Variants in SAMD7 observed in about 807,000 individuals in gnomAD.
SAMD7 encodes the protein sterile alpha motif domain-containing protein 7.
Under a neutral mutation model 36.7 loss-of-function variants are expected in SAMD7, and 34 were observed. That is an observed-to-expected ratio of 0.93 (90% CI 0.71 to 1.23). The LOEUF is 1.23. Among genes scored for constraint, SAMD7 ranks in the 50% most tolerant of loss-of-function variants. SAMD7 has a pLI of 0.00. For synonymous variants in SAMD7, 188 were observed against 189.7 expected, an observed-to-expected ratio of 0.99 and a Z score of 0.07; for missense variants, 570 against 546.6, an observed-to-expected ratio of 1.04 and a Z score of -0.43.
At chr3:169,924,643 T>A (rs1160320894) in intron 4 of SAMD7, among the ~76,000 whole-genome samples, 1 of 152,148 alleles carries the variant, frequency 6.6e-6, no homozygotes, top group African/African-American at 2.4e-5. Context: ...ATATGTGAGG[T>A]GAGGCATATG....
intron 5 of SAMD7, chr3:169,926,192 C>T (rs772841907): frequency 2.1e-6 from 2 of 955,262 alleles, no homozygotes; most frequent in South Asian, 1.4e-5. Flanking sequence ...TTTCTTGAAT[C>T]TCACTAAGAT....
chr3:169,932,980 T>A (rs1576837993), intron 7 of SAMD7: 1 of 713,550 alleles, frequency 1.4e-6, no homozygotes, highest in South Asian at 1.4e-5. Flanking sequence ...GAAGCATTCT[T>A]TCCCCCCCTC....
At chr3:169,913,594 T>C (rs1297772704) in intron 1 of SAMD7, among the ~76,000 whole-genome samples, 1 of 152,194 alleles carries the variant, frequency 6.6e-6, no homozygotes. Flanking sequence ...GGATTAGAGC[T>C]CTGGGTCAGA....
intron 8 of SAMD7, 110 bp downstream of exon 8, chr3:169,936,559 G>T (rs1439455898): frequency 7.5e-6 from 5 of 663,668 alleles, no homozygotes; most frequent in Non-Finnish European, 1.3e-5. Context: ...CTTCTTTATT[G>T]CTTTCCCTCT....
intron 7 of SAMD7, chr3:169,932,226 C>G (rs1713525617): frequency 2.4e-6 from 2 of 843,012 alleles, no homozygotes; most frequent in South Asian, 2.7e-5. Flanking sequence ...GGGTGGTTCC[C>G]CAGGAAGTGT....
intron 1 of SAMD7, among the ~76,000 whole-genome samples, chr3:169,912,512 C>T (rs938175838): frequency 6.6e-6 from 1 of 152,176 alleles, no homozygotes; most frequent in Non-Finnish European, 1.5e-5. Flanking sequence ...TTTATACAAA[C>T]TGTAGTTGCA....
chr3:169,930,211 T>G (rs1713431521), intron 7 of SAMD7, among the ~76,000 whole-genome samples: 1 of 152,204 alleles, frequency 6.6e-6, no homozygotes, highest in Non-Finnish European at 1.5e-5. Context: ...ACATGAGTAC[T>G]CCAAACTCTG....
At chr3:169,928,313 A>G in intron 6 of SAMD7, 144 bp from the exon 7 acceptor site, 1 of 598,624 alleles carries the variant, frequency 1.7e-6, no homozygotes, top group Admixed American at 3.0e-5. Flanking sequence ...TGAAGCTTTT[A>G]GAAAACATCT....
intron 7 of SAMD7, among the ~76,000 whole-genome samples, chr3:169,935,126 G>C (rs1488977295): frequency 6.6e-6 from 1 of 152,206 alleles, no homozygotes; most frequent in Admixed American, 6.5e-5. Flanking sequence ...TGGGAAATTA[G>C]AACGTGAAAG....
chr3:169,938,105 A>T (rs924909482), intron 8 of SAMD7, among the ~76,000 whole-genome samples: 9 of 152,106 alleles, frequency 5.9e-5, no homozygotes, highest in Admixed American at 6.6e-5. Context: ...CCCTGGTTAG[A>T]GCCACCTTGA....
chr3:169,932,062 T>C (rs1713516161), intron 7 of SAMD7: 1 of 571,326 alleles, frequency 1.8e-6, no homozygotes, highest in Non-Finnish European at 2.9e-6. Context: ...ACCAAAGTTT[T>C]CCTGATTGAC....
At chr3:169,914,738 C>G (rs1712729178) in intron 1 of SAMD7, among the ~76,000 whole-genome samples, 2 of 152,126 alleles carry the variant, frequency 1.3e-5, no homozygotes, top group Non-Finnish European at 2.9e-5. Flanking sequence ...AGTTCTCCCA[C>G]TTATTTCACA....
chr3:169,912,165 A>C (rs766262416), intron 1 of SAMD7, among the ~76,000 whole-genome samples: 1 of 152,352 alleles, frequency 6.6e-6, no homozygotes, highest in East Asian at 1.9e-4. Context: ...AAACAGATGA[A>C]GTACCTACCT....
Position 169,928,522 on chromosome 3 carries a change from G to A in SAMD7, c.985G>A (p.Val329Met), listed in dbSNP as rs148855613. 109 of 1,613,742 alleles carry A rather than the reference G, an allele frequency of 6.8e-5. No individual in the cohort carries two copies. The highest frequency in any genetic ancestry group is 4.8e-4 in the Admixed American group (29 of 60,024). ...GGATGAAGATATTCAGAAGTGGACC[G>A]TGGATGATGTGCACAGCTTCATTCG... ...SLDEDIQKWT[V>M]DDVHSFIRSL... The change falls in exon 7 of 9, where the codon GTG becomes ATG. Residue 329 changes from valine to methionine, a missense_variant. By Grantham distance (21) the Val-to-Met change is conservative (BLOSUM62 1). Coordinates refer to ENST00000335556, the MANE Select transcript of SAMD7 (RefSeq NM_001304366.2).
intron 5 of SAMD7, among the ~76,000 whole-genome samples, chr3:169,925,851 T>C (rs112788260): frequency 1.1e-3 from 174 of 152,334 alleles, no homozygotes; most frequent in African/African-American, 4.0e-3. Context: ...GGCATTACTG[T>C]CTTAAATGAC....
chr3:169,932,262 G>A, intron 7 of SAMD7: 1 of 839,230 alleles, frequency 1.2e-6, no homozygotes, highest in Non-Finnish European at 2.0e-6. Context: ...CAGAGCTGGG[G>A]GCAATCATGC....
chr3:169,932,815 G>A, intron 7 of SAMD7: 1 of 569,052 alleles, frequency 1.8e-6, no homozygotes. Flanking sequence ...ACTCTGGCCT[G>A]TGCCGCCTGG....
At chr3:169,936,586 T>C (rs1713725184) in intron 8 of SAMD7, 137 bp downstream of exon 8, 5 of 594,342 alleles carry the variant, frequency 8.4e-6, no homozygotes, top group Non-Finnish European at 1.5e-5. Context: ...GAGGACATAA[T>C]AGAAGTGAGG....
chr3:169,917,176 G>A lies in SAMD7; in HGVS notation c.-42+1735G>A, dbSNP rs142827988. Reference sequence around the variant, plus strand: ...TTGGATTTCCAATTTGATTAGTGGGGTTAGTTCTGAAAAAGAAGCTAACAA... The same window carrying A: ...TTGGATTTCCAATTTGATTAGTGGGATTAGTTCTGAAAAAGAAGCTAACAA... On this transcript the variant is annotated intron_variant, in intron 2 of 8. Transcript: ENST00000335556. Among the ~76,000 whole-genome samples, 404 of 152,274 alleles carry A rather than the reference G, an allele frequency of 2.7e-3. 2 individuals are homozygous for A. Among genetic ancestry groups the A allele is most frequent in the Non-Finnish European group, 4.0e-3 (269 of 68,028 alleles).
Sources: gnomAD v4.1 joint callset for allele counts (sites outside exome capture counted in the v4.1 genomes callset) on GRCh38, gnomAD v4.1.1 for gene constraint, MANE v1.5 for transcripts, NCBI Gene and HGNC (gene_info 2026-07-23, HGNC 2026-07-21) for gene names.